Variants in THSD7B observed in about 807,000 individuals in gnomAD.
THSD7B encodes the protein thrombospondin type 1 domain containing 7B.
THSD7B carries 138 observed loss-of-function variants against 213.6 expected under a neutral mutation model. The ratio of observed to expected loss-of-function variants is 0.65; its 90% CI spans 0.56 to 0.74. The LOEUF (loss-of-function observed/expected upper bound fraction) is 0.74. THSD7B is among the 30% of genes least tolerant of loss of function. THSD7B has a pLI of 0.00. For missense variants in THSD7B, 1,931 were observed against 1,991.5 expected, an observed-to-expected ratio of 0.97 and a Z score of 0.58; for synonymous variants, 742 against 687.0, an observed-to-expected ratio of 1.08 and a Z score of -1.25.
chr2:137,320,276 G>A (rs888036639), intron 12 of THSD7B, among the ~76,000 whole-genome samples: 50 of 152,132 alleles, frequency 3.3e-4, no homozygotes, highest in African/African-American at 1.1e-3. Context: ...TCTAATATAT[G>A]TATATTTACC....
chr2:137,058,745 A>T (rs1687214036), intron 3 of THSD7B, among the ~76,000 whole-genome samples: 1 of 152,098 alleles, frequency 6.6e-6, no homozygotes. Context: ...TTATGTCGTG[A>T]TGATGCAGTT....
intron 15 of THSD7B, among the ~76,000 whole-genome samples, chr2:137,531,205 A>C (rs1187222762): frequency 6.6e-6 from 1 of 152,004 alleles, no homozygotes; most frequent in Non-Finnish European, 1.5e-5. Context: ...TGTGAAGAAT[A>C]GCACTCAATT....
At chr2:137,043,121 A>G (rs560816527) in intron 2 of THSD7B, among the ~76,000 whole-genome samples, 1 of 152,204 alleles carries the variant, frequency 6.6e-6, no homozygotes, top group Non-Finnish European at 1.5e-5. Context: ...TTTAATTATT[A>G]TACATGGTGG....
At chr2:137,037,606 G>A (rs1686802405) in intron 2 of THSD7B, among the ~76,000 whole-genome samples, 1 of 151,988 alleles carries the variant, frequency 6.6e-6, no homozygotes, top group Admixed American at 6.6e-5. Context: ...TTTGACAGGT[G>A]GGGAATTGCA....
chr2:136,946,216 G>C (rs1286971711), intron 2 of THSD7B, among the ~76,000 whole-genome samples: 1 of 152,106 alleles, frequency 6.6e-6, no homozygotes, highest in Admixed American at 6.5e-5. Flanking sequence ...TAACAGTCAG[G>C]TCCCTCAGCT....
At chr2:136,879,755 T>G (rs1447566969) in intron 1 of THSD7B, among the ~76,000 whole-genome samples, 2 of 151,808 alleles carry the variant, frequency 1.3e-5, no homozygotes, top group Non-Finnish European at 2.9e-5. Context: ...AGGCTCAAAA[T>G]AAAGGGATGA....
chr2:136,891,349 A>G (rs1355235028), intron 2 of THSD7B, among the ~76,000 whole-genome samples: 1 of 152,150 alleles, frequency 6.6e-6, no homozygotes, highest in African/African-American at 2.4e-5. Context: ...TCAACATTCC[A>G]TGTACATGAC....
intron 2 of THSD7B, among the ~76,000 whole-genome samples, chr2:136,987,734 G>A (rs777817083): frequency 7.2e-5 from 11 of 152,098 alleles, no homozygotes; most frequent in Non-Finnish European, 1.2e-4. Context: ...TTTGCATTTG[G>A]TCAAGTGCCA....
At chr2:137,058,300 G>A (rs1344249344) in intron 3 of THSD7B, among the ~76,000 whole-genome samples, 2 of 152,128 alleles carry the variant, frequency 1.3e-5, no homozygotes, top group East Asian at 3.8e-4. Context: ...CTTCTTTGAA[G>A]TCCAGATTAA....
At chr2:136,851,063 C>T (rs1307916516) in intron 1 of THSD7B, among the ~76,000 whole-genome samples, 1 of 152,000 alleles carries the variant, frequency 6.6e-6, no homozygotes, top group Non-Finnish European at 1.5e-5. Context: ...TCTCACTTTT[C>T]TTTCTGAAAA....
chr2:137,104,445 G>A (rs763382013), intron 4 of THSD7B, among the ~76,000 whole-genome samples: 12 of 152,064 alleles, frequency 7.9e-5, no homozygotes, highest in African/African-American at 1.7e-4. Context: ...ATCTAAAACC[G>A]ACACCATAAG....
intron 2 of THSD7B, among the ~76,000 whole-genome samples, chr2:136,997,468 T>C (rs1242928928): frequency 1.3e-5 from 2 of 152,224 alleles, no homozygotes; most frequent in Non-Finnish European, 2.9e-5. Flanking sequence ...AGATAGTATT[T>C]TTAAAGTAGT....
At chr2:137,472,266 A>C (rs1379000586) in intron 15 of THSD7B, among the ~76,000 whole-genome samples, 1 of 152,222 alleles carries the variant, frequency 6.6e-6, no homozygotes, top group Non-Finnish European at 1.5e-5. Context: ...GCCTTTTAAG[A>C]AAGCACCCTT....
intron 7 of THSD7B, among the ~76,000 whole-genome samples, chr2:137,224,997 G>T (rs1334477304): frequency 6.6e-6 from 1 of 151,038 alleles, no homozygotes; most frequent in Non-Finnish European, 1.5e-5. Context: ...GTCTCTTTTG[G>T]GTTTTCCTCC....
At chr2:137,470,205 T>C (rs779072987) in intron 15 of THSD7B, among the ~76,000 whole-genome samples, 9 of 152,140 alleles carry the variant, frequency 5.9e-5, no homozygotes, top group Non-Finnish European at 1.3e-4. Context: ...TATTATTGAA[T>C]TACAGACTTG....
intron 12 of THSD7B, among the ~76,000 whole-genome samples, chr2:137,324,019 A>C (rs1001332203): frequency 6.6e-6 from 1 of 152,194 alleles, no homozygotes; most frequent in Admixed American, 6.5e-5. Context: ...TGAGTGGCCC[A>C]AAAAGAGATT....
intron 20 of THSD7B, among the ~76,000 whole-genome samples, chr2:137,640,955 T>C (rs748716282): frequency 7.9e-5 from 12 of 152,348 alleles, no homozygotes; most frequent in Middle Eastern, 3.4e-3. Context: ...AGAGTTAGTT[T>C]ACCACCAAAT....
chr2:137,311,753 A>G lies in THSD7B; in HGVS notation c.2500+35727A>G, dbSNP rs1446330799. On this transcript the variant is annotated intron_variant, in intron 12 of 27. Coordinates refer to ENST00000409968, the MANE Select transcript of THSD7B (RefSeq NM_001316349.2). ...TTTGTCAAAGGCCTTTTCTGCATCC[A>G]TTGAGATAATCATGTGGTTTTTGTC... Among the ~76,000 whole-genome samples, 16 of 151,340 alleles carry G rather than the reference A, an allele frequency of 1.1e-4. No individual in the cohort carries two copies. In the South Asian group the frequency reaches 3.1e-3, roughly 29 times the overall value.
At chr2:137,658,611 G>C in intron 24 of THSD7B, among the ~76,000 whole-genome samples, 1 of 152,194 alleles carries the variant, frequency 6.6e-6, no homozygotes, top group African/African-American at 2.4e-5. Flanking sequence ...ACAGTTGGTA[G>C]AAATAGGACT....
Sources: allele counts gnomAD v4.1 joint callset (sites outside exome capture counted in the v4.1 genomes callset), GRCh38; gene constraint gnomAD v4.1.1; transcripts MANE v1.5; gene names NCBI Gene and HGNC (gene_info 2026-07-23, HGNC 2026-07-21).